The following KCTD4 variants were observed in gnomAD, a reference collection of about 807,000 sequenced individuals.
The protein encoded by KCTD4 is BTB/POZ domain-containing protein KCTD4.
In KCTD4, 12 loss-of-function variants were observed where a neutral mutation model predicts 18.3. That is an observed-to-expected ratio of 0.66 (90% confidence interval 0.42 to 1.06). KCTD4 has a LOEUF of 1.06. Ranked by LOEUF, KCTD4 falls within the 50% of genes least tolerant of loss-of-function variation. The probability of loss-of-function intolerance (pLI) is 0.00; values close to 1 mark genes in which losing one functional copy is unlikely to be tolerated. For synonymous variants in KCTD4, 124 were observed against 110.5 expected (o/e 1.12, Z -0.76); for missense variants, 250 against 303.4 (o/e 0.82, Z 1.31).
Position 45,193,674 on chromosome 13 carries a change from C to G in KCTD4, c.*114G>C, listed in dbSNP as rs1236582155. The G allele has an allele frequency of 1.1e-6, 1 of 904,398 alleles. No homozygotes were observed. Among genetic ancestry groups the G allele is most frequent in the Non-Finnish European group, 1.7e-6 (1 of 587,560 alleles). The allele number at this position is 904,398 out of a possible 1,614,324, so 56.0% of individuals were successfully genotyped here. A position where few individuals can be genotyped will look rare whatever the true frequency, so the allele number is the denominator to read the frequency against. On this transcript the variant is annotated 3_prime_UTR_variant, in exon 2 of 2. Coordinates refer to ENST00000379108, the MANE Select transcript of KCTD4 (RefSeq NM_198404.3). ...TTAGCTCACAGTAATTGATTAGTAG[C>G]AGGGCTCTGTAGTACAGAGCTAGCT...
chr13:45,196,487 C>G (rs1872897017), intron 1 of KCTD4, among the ~76,000 whole-genome samples: 1 of 152,180 alleles, frequency 6.6e-6, no homozygotes, highest in Non-Finnish European at 1.5e-5. Context: ...AGAAGGGATA[C>G]AACTCTGGAA....
At chr13:45,198,181 G>A (rs1199530163) in intron 1 of KCTD4, among the ~76,000 whole-genome samples, 1 of 152,176 alleles carries the variant, frequency 6.6e-6, no homozygotes, top group African/African-American at 2.4e-5. Flanking sequence ...TCCACTATGA[G>A]GTAATACTAA....
Position 45,194,526 on chromosome 13 carries a change from ATAC to A in KCTD4, c.39_41del (p.Glu13_Tyr14delinsAsp). ...CTTCCAGGCTGTTGTGTTTCCCTTC[ATAC>A]TCCTTTTCTTTTTCTCTTCTGTTTA... On this transcript the variant is annotated inframe_deletion, in exon 2 of 2. Transcript: ENST00000379108. 1 of 1,613,542 alleles carries A rather than the reference ATAC, an allele frequency of 6.2e-7. No individual in the cohort carries two copies. Among genetic ancestry groups the A allele is most frequent in the Non-Finnish European group, 8.5e-7 (1 of 1,179,866 alleles).
At position 45,194,654 on chromosome 13, in the gene KCTD4, G is replaced by GC; in HGVS notation, c.-88dup. The GC allele has an allele frequency of 8.2e-7, 1 of 1,223,324 alleles. No individual in the cohort carries two copies. Among genetic ancestry groups the GC allele is most frequent in the Non-Finnish European group, 1.2e-6 (1 of 866,696 alleles). The allele number at this position is 1,223,324 out of a possible 1,614,324, so 75.8% of individuals were successfully genotyped here. A position where few individuals can be genotyped will look rare whatever the true frequency, so the allele number is the denominator to read the frequency against. On this transcript the variant is annotated 5_prime_UTR_variant, in exon 2 of 2. The change creates a premature stop within an existing upstream ORF in the 5' untranslated region. Transcript: ENST00000379108. ...TACCACACAAGCACGCCTTTATTCA[G>GC]CCCCAGCCTGGTGATGGAATGGAAA...
intron 1 of KCTD4, among the ~76,000 whole-genome samples, chr13:45,197,430 G>C (rs12866139): frequency 6.6e-6 from 1 of 150,440 alleles, no homozygotes; most frequent in Non-Finnish European, 1.5e-5. Flanking sequence ...AATCGCCTGA[G>C]CCCGGGAGGT....
rs1872718563 is a variant in KCTD4, at chr13:45,192,956, G to A, written c.*832C>T. On this transcript the variant is annotated 3_prime_UTR_variant, in exon 2 of 2. Coordinates refer to ENST00000379108, the MANE Select transcript of KCTD4 (RefSeq NM_198404.3). ...AGCCTGCAAAGAATTGAATTTGCTGGTTTTTGTCACTTCCAGGACCAGCCA... is the reference window on the plus strand; with the variant it reads ...AGCCTGCAAAGAATTGAATTTGCTGATTTTTGTCACTTCCAGGACCAGCCA... 6.6e-6 allele frequency: 1 copy of A among 152,122 alleles called. No individual in the cohort carries two copies. The allele number at this position is 152,122 out of a possible 1,614,324, so 9.4% of individuals were successfully genotyped here. A position where few individuals can be genotyped will look rare whatever the true frequency, so the allele number is the denominator to read the frequency against.
intron 1 of KCTD4, among the ~76,000 whole-genome samples, chr13:45,195,285 AAAGT>A (rs1406381033): frequency 6.6e-6 from 1 of 151,946 alleles, no homozygotes; most frequent in Non-Finnish European, 1.5e-5. Flanking sequence ...ATTTACCCTA[AAAGT>A]AAAAAAAAAA....
Position 45,194,117 on chromosome 13 carries a change from G to C in KCTD4, c.451C>G (p.Arg151Gly). The C allele has an allele frequency of 4.3e-6, 7 of 1,613,928 alleles. No homozygotes were observed. Among genetic ancestry groups the C allele is most frequent in the Non-Finnish European group, 5.9e-6 (7 of 1,179,870 alleles). ...TFLEITDNHD[R>G]SQGLRIFCNA... ...CAGAAGATTCTTAATCCTTGTGAAC[G>C]ATCGTGGTTATCTGTTATTTCCAAG... The change falls in exon 2 of 2, where the codon CGT becomes GGT. Residue 151 changes from arginine (R) to glycine (G), a missense_variant. Physicochemically the swap from Arg to Gly is moderately radical, Grantham distance 125. Transcript: ENST00000379108.
chr13:45,195,770 T>C (rs1268890942), intron 1 of KCTD4, among the ~76,000 whole-genome samples: 2 of 152,218 alleles, frequency 1.3e-5, no homozygotes, highest in African/African-American at 2.4e-5. Flanking sequence ...TTATTTGGCC[T>C]ATCTGCTAAA....
chr13:45,198,898 G>T (rs1873036935), intron 1 of KCTD4, among the ~76,000 whole-genome samples: 1 of 152,082 alleles, frequency 6.6e-6, no homozygotes, highest in Non-Finnish European at 1.5e-5. Context: ...AAATTACACT[G>T]TCTAATTATT....
chr13:45,193,685 A>T lies in KCTD4; in HGVS notation c.*103T>A. ...TAATTGATTAGTAGCAGGGCTCTGT[A>T]GTACAGAGCTAGCTGGGCATGTTAT... On this transcript the variant is annotated 3_prime_UTR_variant, in exon 2 of 2. Transcript: ENST00000379108. The T allele has an allele frequency of 9.7e-7, 1 of 1,028,250 alleles. No individual in the cohort carries two copies. The highest frequency in any genetic ancestry group is 1.4e-6 in the Non-Finnish European group (1 of 692,694). 63.7% of individuals were successfully genotyped at this position (1,028,250 alleles called of 1,614,324 possible). A position where few individuals can be genotyped will look rare whatever the true frequency, so the allele number is the denominator to read the frequency against.
Position 45,194,540 on chromosome 13 carries a change from T to C in KCTD4, c.28A>G (p.Lys10Glu). The C allele has an allele frequency of 6.2e-7, 1 of 1,612,714 alleles. No homozygotes were observed. The highest frequency in any genetic ancestry group is 8.5e-7 in the Non-Finnish European group (1 of 1,179,516). MERKINRRE[K>E]EKEYEGKHNS... ...TGTTTCCCTTCATACTCCTTTTCTT[T>C]TTCTCTTCTGTTTATTTTACGCTCC... Residue 10 changes from lysine (K) to glutamate (E), a missense_variant, in exon 2 of 2, where the codon AAA becomes GAA. Physicochemically the swap from Lys to Glu is moderately conservative, Grantham distance 56 (BLOSUM62 1). Transcript: ENST00000379108.
At chr13:45,200,447 C>G (rs185573741) in intron 1 of KCTD4, among the ~76,000 whole-genome samples, 1 of 152,244 alleles carries the variant, frequency 6.6e-6, no homozygotes, top group East Asian at 1.9e-4. Flanking sequence ...GTTGGGGCCA[C>G]AGGCATACCC....
intron 1 of KCTD4, among the ~76,000 whole-genome samples, chr13:45,199,739 G>A (rs902070834): frequency 2.0e-5 from 3 of 152,090 alleles, no homozygotes; most frequent in Non-Finnish European, 2.9e-5. Flanking sequence ...CAAAATGAAG[G>A]GCATAACTTT....
intron 1 of KCTD4, among the ~76,000 whole-genome samples, chr13:45,195,523 A>T (rs552282659): frequency 6.8e-6 from 1 of 147,694 alleles, no homozygotes; most frequent in Non-Finnish European, 1.5e-5. Context: ...TGGGTAAGTT[A>T]GTTTCTTGTT....
rs1284542504 is a variant in KCTD4, at chr13:45,193,605, C to T, written c.*183G>A. ...GGTGGAAGAGTCTGATCAGTAGGAA[C>T]ACCCCAGAGGAAGGACATCTTTAGC... is the stretch of plus-strand genomic sequence containing the variant. On this transcript the variant is annotated 3_prime_UTR_variant, in exon 2 of 2. Coordinates refer to ENST00000379108, the MANE Select transcript of KCTD4 (RefSeq NM_198404.3). The T allele has an allele frequency of 7.1e-6, 4 of 559,544 alleles. No homozygotes were observed. The highest frequency in any genetic ancestry group is 1.2e-5 in the Non-Finnish European group (4 of 320,366). 34.7% of individuals were successfully genotyped at this position (559,544 alleles called of 1,614,324 possible).
intron 1 of KCTD4, among the ~76,000 whole-genome samples, chr13:45,196,428 C>A (rs900858367): frequency 2.0e-5 from 3 of 152,082 alleles, no homozygotes; most frequent in Admixed American, 2.0e-4. Flanking sequence ...TAGATTAAGT[C>A]TTTTCTGTCA....
In KCTD4 at chr13:45,196,145, A is replaced by G. The variant is rs1011269708; in HGVS notation, c.-187-1391T>C. ...TTCTTATAGTGATCTTGAAGTTAAC[A>G]TTTATGTATTATTGAGATCAAAAGT... On this transcript the variant is annotated intron_variant, in intron 1 of 1. Coordinates refer to ENST00000379108, the MANE Select transcript of KCTD4 (RefSeq NM_198404.3). Among the ~76,000 whole-genome samples, 13 of 152,220 alleles carry G rather than the reference A, an allele frequency of 8.5e-5. 1 individual carries two copies. The highest frequency in any genetic ancestry group is 2.9e-4 in the African/African-American group (12 of 41,448).
chr13:45,200,379 T>C (rs1001403268), intron 1 of KCTD4, among the ~76,000 whole-genome samples: 5 of 152,020 alleles, frequency 3.3e-5, no homozygotes, highest in African/African-American at 1.2e-4. Flanking sequence ...CTGGAGTGTA[T>C]TGCAACCTCA....
Sources: gnomAD v4.1 joint callset for allele counts (sites outside exome capture counted in the v4.1 genomes callset) on GRCh38, gnomAD v4.1.1 for gene constraint, MANE v1.5 for transcripts, NCBI Gene and HGNC (gene_info 2026-07-23, HGNC 2026-07-21) for gene names.